The following ARHGEF4 variants were observed in gnomAD, a reference collection of about 807,000 sequenced individuals.
The protein encoded by ARHGEF4 is Rho guanine nucleotide exchange factor 4, also known as APC-stimulated guanine nucleotide exchange factor 1.
A neutral mutation model predicts 162.0 loss-of-function variants in ARHGEF4; 119 were observed. The ratio of observed to expected loss-of-function variants is 0.73; its 90% CI spans 0.63 to 0.86. The LOEUF (loss-of-function observed/expected upper bound fraction) is 0.86, where lower values mean the gene tolerates loss of function less well. ARHGEF4 is among the 40% of genes least tolerant of loss of function. The pLI, the probability that ARHGEF4 is intolerant of heterozygous loss-of-function variation, is 0.00. For missense variants in ARHGEF4, 2,488 were observed against 2,456.0 expected (o/e 1.01, Z -0.28); for synonymous variants, 1,014 against 979.9 (o/e 1.03, Z -0.65).
At chr2:131,015,109 A>G (rs1308826507) in intron 4 of ARHGEF4, among the ~76,000 whole-genome samples, 1 of 152,158 alleles carries the variant, frequency 6.6e-6, no homozygotes, top group Non-Finnish European at 1.5e-5. Context: ...ATGTTCTCAG[A>G]AAAAGTTATT....
At chr2:130,875,502 T>C (rs1296282948) in intron 1 of ARHGEF4, among the ~76,000 whole-genome samples, 1 of 152,126 alleles carries the variant, frequency 6.6e-6, no homozygotes, top group Non-Finnish European at 1.5e-5. Flanking sequence ...GGTGGAGAAG[T>C]GGAAGGGAAA....
intron 1 of ARHGEF4, among the ~76,000 whole-genome samples, chr2:130,903,547 C>T (rs1000948516): frequency 2.0e-4 from 30 of 152,144 alleles, no homozygotes; most frequent in African/African-American, 3.9e-4. Context: ...CGTGAGCCAC[C>T]GCACCTGACT....
At chr2:130,920,647 C>A (rs1323561896) in intron 2 of ARHGEF4, among the ~76,000 whole-genome samples, 1 of 152,174 alleles carries the variant, frequency 6.6e-6, no homozygotes, top group Non-Finnish European at 1.5e-5. Flanking sequence ...AGAGCAGGCT[C>A]TGATGGTGAG....
chr2:130,937,878 A>C (rs1009484838), intron 3 of ARHGEF4, among the ~76,000 whole-genome samples: 1 of 152,066 alleles, frequency 6.6e-6, no homozygotes, highest in Non-Finnish European at 1.5e-5. Context: ...CGTGTTAGCC[A>C]GGATGGTCTC....
chr2:130,837,747 C>G lies in ARHGEF4; in HGVS notation c.39+755C>G, dbSNP rs149313162. The G allele has an allele frequency of 1.6e-3, 550 of 344,264 alleles. 5 individuals carry two copies. Among genetic ancestry groups the G allele is most frequent in the African/African-American group, 0.012 (527 of 44,392 alleles). The allele number at this position is 344,264 out of a possible 1,614,324, so 21.3% of individuals were successfully genotyped here. A position where few individuals can be genotyped will look rare whatever the true frequency, so the allele number is the denominator to read the frequency against. On this transcript the variant is annotated intron_variant, in intron 1 of 13. Coordinates refer to ENST00000409359, the MANE Select transcript of ARHGEF4 (RefSeq NM_001367493.1). ...TTGCGACGCTGGGTGGTGCTGAGCT[C>G]CGATGGGCTCCTACTCCGGGAGCAA...
In ARHGEF4 at chr2:130,848,412, G is replaced by C. The variant is rs78564451; in HGVS notation, c.39+11420G>C. The stretch of plus-strand genomic sequence containing the variant: ...GCCAGGGAGGTCAGGCCATGAGCAA[G>C]ACATACATGCAGGCCCTGGACAGGG... On this transcript the variant is annotated intron_variant, in intron 1 of 13. Transcript: ENST00000409359. Among the ~76,000 whole-genome samples, 444 of 152,368 alleles carry C rather than the reference G, an allele frequency of 2.9e-3. 6 individuals are homozygous for C. The highest frequency in any genetic ancestry group is 9.9e-3 in the African/African-American group (413 of 41,592).
At chr2:131,035,815 C>T in intron 5 of ARHGEF4, 1 of 985,408 alleles carries the variant, frequency 1.0e-6, no homozygotes, top group Non-Finnish European at 1.2e-6. Context: ...GTGTTCACAG[C>T]TGCCCCCACC....
In ARHGEF4 at chr2:130,914,211, T is replaced by G. The variant is rs573287823; in HGVS notation, c.265T>G (p.Phe89Val). 120 of 1,536,038 alleles carry G rather than the reference T, an allele frequency of 7.8e-5. No homozygotes were observed. The East Asian group carries it at 2.8e-3, about 36-fold the overall frequency. The change falls in exon 2 of 14, where the codon TTC becomes GTC. Residue 89 changes from phenylalanine to valine, a missense_variant. Coordinates refer to ENST00000409359, the MANE Select transcript of ARHGEF4 (RefSeq NM_001367493.1). ...GTCTGGGTACCTCCCGAGGGGAGTC[T>G]TCCACCCTCTAAGAGGTACTCCCGT... is the stretch of plus-strand genomic sequence containing the variant. ...SLSGYLPRGV[F>V]HPLRGTPVDI...
chr2:130,878,309 A>G (rs72855923), intron 1 of ARHGEF4, among the ~76,000 whole-genome samples: 3,180 of 152,264 alleles, frequency 0.021, 95 homozygotes, highest in East Asian at 0.12. Context: ...CCTTTGAGAT[A>G]GTAAATTATC....
chr2:130,914,263 C>T lies in ARHGEF4; in HGVS notation c.317C>T (p.Pro106Leu). 1 of 1,530,284 alleles carries T rather than the reference C, an allele frequency of 6.5e-7. No homozygotes were observed. The highest frequency in any genetic ancestry group is 1.2e-5 in the South Asian group (1 of 83,756). The allele number at this position is 1,530,284 out of a possible 1,614,324, so 94.8% of individuals were successfully genotyped here. ...PVDIEAPWEY[P>L]DVSATGPPQE... ...GATATAGAAGCACCTTGGGAATACCCTGATGTCTCAGCAACTGGACCCCCT... is the reference window on the plus strand; with the variant it reads ...GATATAGAAGCACCTTGGGAATACCTTGATGTCTCAGCAACTGGACCCCCT... Residue 106 changes from proline (P) to leucine (L), a missense_variant, in exon 2 of 14, where the codon CCT (proline) becomes CTT (leucine). Physicochemically the swap from Pro to Leu is moderately conservative, Grantham distance 98 (BLOSUM62 -3). Coordinates refer to ENST00000409359, the MANE Select transcript of ARHGEF4 (RefSeq NM_001367493.1).
intron 9 of ARHGEF4, 24 bp from the exon 10 acceptor site, chr2:131,041,791 C>A: frequency 2.5e-6 from 4 of 1,608,474 alleles, no homozygotes; most frequent in Non-Finnish European, 3.4e-6. Flanking sequence ...CCTGCAGCAG[C>A]CTTCCATCTC....
chr2:130,988,932 A>G (rs930403320), intron 4 of ARHGEF4, among the ~76,000 whole-genome samples: 4 of 148,458 alleles, frequency 2.7e-5, no homozygotes, highest in East Asian at 3.9e-4. Flanking sequence ...AGAGAGAGAG[A>G]GAGAAAGATT....
intron 10 of ARHGEF4, among the ~76,000 whole-genome samples, chr2:131,043,192 C>T (rs1206868791): frequency 6.6e-6 from 1 of 152,222 alleles, no homozygotes; most frequent in African/African-American, 2.4e-5. Context: ...GACATCACAT[C>T]TAATTAATAT....
intron 1 of ARHGEF4, among the ~76,000 whole-genome samples, chr2:130,887,899 A>G (rs1679617471): frequency 6.6e-6 from 1 of 152,052 alleles, no homozygotes; most frequent in Non-Finnish European, 1.5e-5. Context: ...ACTCTTGCTC[A>G]CATTTCATAG....
intron 1 of ARHGEF4, among the ~76,000 whole-genome samples, chr2:130,838,371 T>TG (rs367681347): frequency 0.014 from 2,045 of 150,178 alleles, 44 homozygotes; most frequent in African/African-American, 0.04. Context: ...GGAGGCCGAG[T>TG]GGGGGGGGCG....
chr2:130,874,261 C>T (rs537539218), intron 1 of ARHGEF4, among the ~76,000 whole-genome samples: 1 of 152,168 alleles, frequency 6.6e-6, no homozygotes, highest in Non-Finnish European at 1.5e-5. Context: ...GGCGGCTGTA[C>T]CAACAGTTTA....
Position 131,039,439 on chromosome 2 carries a change from G to A in ARHGEF4, c.4305+407G>A, listed in dbSNP as rs185545637. 1.5e-3 allele frequency: 1,508 copies of A among 1,031,660 alleles called. 4 individuals are homozygous for A. The highest frequency in any genetic ancestry group is 1.7e-3 in the Non-Finnish European group (1,445 of 860,966). 63.9% of individuals were successfully genotyped at this position (1,031,660 alleles called of 1,614,324 possible). ...GCACGGTCAAGTTATTAGCCCTGGA[G>A]ATAGCAGAGAGGGGACCTGGATTCC... On this transcript the variant is annotated intron_variant, in intron 6 of 13. Transcript: ENST00000409359.
intron 4 of ARHGEF4, 109 bp downstream of exon 4, chr2:130,946,744 A>C (rs1261171970): frequency 6.7e-6 from 10 of 1,482,418 alleles, no homozygotes; most frequent in East Asian, 2.3e-5. Context: ...AAGTAGCTTG[A>C]AGGTGAGAGA....
At chr2:131,020,405 G>C (rs4850309) in intron 4 of ARHGEF4, among the ~76,000 whole-genome samples, 6,867 of 136,030 alleles carry the variant, frequency 0.05, 116 homozygotes, top group Non-Finnish European at 0.06. Context: ...TGTTCTCATT[G>C]TTCAATTCCC....
Sources: gnomAD v4.1 joint callset for allele counts (sites outside exome capture counted in the v4.1 genomes callset) on GRCh38, gnomAD v4.1.1 for gene constraint, MANE v1.5 for transcripts, NCBI Gene and HGNC (gene_info 2026-07-23, HGNC 2026-07-21) for gene names.